Variants in PTPRG observed in about 807,000 individuals in gnomAD.
PTPRG encodes receptor-type tyrosine-protein phosphatase gamma.
A neutral mutation model predicts 165.3 loss-of-function variants in PTPRG; 102 were observed. That is an observed-to-expected ratio of 0.62 (90% CI 0.53 to 0.73). PTPRG has a LOEUF of 0.73. PTPRG is among the 30% of genes least tolerant of loss of function. The probability of loss-of-function intolerance (pLI) is 0.00; values close to 1 mark genes in which losing one functional copy is unlikely to be tolerated. For synonymous variants in PTPRG, 675 were observed against 669.5 expected (o/e 1.01, Z -0.13); for missense variants, 1,866 against 1,861.4 (o/e 1.00, Z -0.05).
chr3:61,851,103 G>A (rs1161105507), intron 2 of PTPRG, among the ~76,000 whole-genome samples: 1 of 152,172 alleles, frequency 6.6e-6, no homozygotes, highest in Non-Finnish European at 1.5e-5. Context: ...CTAAGACTGA[G>A]CCCACAAATG....
At chr3:61,981,943 C>A (rs1028869644) in intron 2 of PTPRG, among the ~76,000 whole-genome samples, 1 of 152,282 alleles carries the variant, frequency 6.6e-6, no homozygotes, top group East Asian at 1.9e-4. Flanking sequence ...ACTAGTCATA[C>A]AATTTGTGAG....
intron 1 of PTPRG, among the ~76,000 whole-genome samples, chr3:61,686,539 C>T (rs1261091455): frequency 6.6e-6 from 1 of 152,192 alleles, no homozygotes; most frequent in African/African-American, 2.4e-5. Flanking sequence ...AACTCTGCCC[C>T]CAGGTGTGTG....
At chr3:62,087,057 A>G (rs1176132609) in intron 5 of PTPRG, among the ~76,000 whole-genome samples, 1 of 152,248 alleles carries the variant, frequency 6.6e-6, no homozygotes, top group Non-Finnish European at 1.5e-5. Context: ...GCTTTTGTAC[A>G]TCATTGAATG....
At chr3:62,099,022 G>C (rs1447334626) in intron 5 of PTPRG, among the ~76,000 whole-genome samples, 1 of 152,178 alleles carries the variant, frequency 6.6e-6, no homozygotes, top group Non-Finnish European at 1.5e-5. Context: ...AGAATTTAGA[G>C]TTGTTTGAAA....
At chr3:61,692,048 G>A (rs1311725749) in intron 1 of PTPRG, among the ~76,000 whole-genome samples, 2 of 152,176 alleles carry the variant, frequency 1.3e-5, no homozygotes, top group East Asian at 1.9e-4. Context: ...TAATTTTTGA[G>A]TACATTCCAG....
At position 61,562,270 on chromosome 3, in the gene PTPRG, C is replaced by T. The variant is rs760285845; in HGVS notation, c.-18C>T. On this transcript the variant is annotated 5_prime_UTR_variant, in exon 1 of 30. Coordinates refer to ENST00000474889, the MANE Select transcript of PTPRG (RefSeq NM_002841.4). ...GTTTACCTCCCTGCTTTCCTCTTTT[C>T]GATGTGCGTTTTCGGACATGCGGAG... 5 of 1,610,274 alleles carry T rather than the reference C, an allele frequency of 3.1e-6. No homozygotes were observed. The highest frequency in any genetic ancestry group is 1.1e-5 in the South Asian group (1 of 91,028).
Position 62,167,956 on chromosome 3 carries a change from T to C in PTPRG, c.841-15T>C. The C allele has an allele frequency of 6.2e-7, 1 of 1,603,788 alleles. No individual in the cohort carries two copies. The highest frequency in any genetic ancestry group is 1.1e-5 in the South Asian group (1 of 90,766). On this transcript the variant is annotated splice_polypyrimidine_tract_variant and intron_variant, in intron 7 of 29. Coordinates refer to ENST00000474889, the MANE Select transcript of PTPRG (RefSeq NM_002841.4). ...GTTTTTTTTTTCCCCCTCCCCTCTCTGGTCCTCTGTTCAGCTTGAGGCTTT... is the reference window on the plus strand; with the variant it reads ...GTTTTTTTTTTCCCCCTCCCCTCTCCGGTCCTCTGTTCAGCTTGAGGCTTT...
chr3:62,210,862 T>C lies in PTPRG; in HGVS notation c.2155+6912T>C, dbSNP rs1700342696. On this transcript the variant is annotated intron_variant, in intron 12 of 29. Coordinates refer to ENST00000474889, the MANE Select transcript of PTPRG (RefSeq NM_002841.4). This position sits in a 1 kb window ranked among gnomAD's most constrained non-coding sequence, Gnocchi z 4.1. ...ATACAAATAATATACAAATATGTGTTAACTATTTATGTTATTGGTGAGGCT... is the reference window on the plus strand; with the variant it reads ...ATACAAATAATATACAAATATGTGTCAACTATTTATGTTATTGGTGAGGCT... 6.6e-6 allele frequency among the ~76,000 whole-genome samples: 1 copy of C among 152,226 alleles called. No homozygotes were observed. Among genetic ancestry groups the C allele is most frequent in the Admixed American group, 6.5e-5 (1 of 15,286 alleles).
At chr3:61,750,277 G>A (rs2033378261) in intron 2 of PTPRG, 1 of 152,202 alleles carries the variant, frequency 6.6e-6, no homozygotes, top group African/African-American at 2.4e-5. Flanking sequence ...ACATCAGTCA[G>A]GAGGAGGCAC....
chr3:62,052,926 T>C (rs1323256181), intron 4 of PTPRG, among the ~76,000 whole-genome samples: 1 of 152,190 alleles, frequency 6.6e-6, no homozygotes, highest in Non-Finnish European at 1.5e-5. Context: ...TACATATGCA[T>C]ATCGCTTTGT....
chr3:61,999,468 T>G (rs1451701722), intron 3 of PTPRG, among the ~76,000 whole-genome samples: 1 of 152,198 alleles, frequency 6.6e-6, no homozygotes, highest in African/African-American at 2.4e-5. Flanking sequence ...TTTCAATTTG[T>G]GAGTTTCCAG....
intron 2 of PTPRG, among the ~76,000 whole-genome samples, chr3:61,914,425 A>G (rs996068464): frequency 6.6e-6 from 1 of 152,128 alleles, no homozygotes; most frequent in African/African-American, 2.4e-5. Flanking sequence ...ACTCCCGGCA[A>G]TATTTGGTAG....
At chr3:61,967,126 T>C (rs1575832068) in intron 2 of PTPRG, among the ~76,000 whole-genome samples, 1 of 152,332 alleles carries the variant, frequency 6.6e-6, no homozygotes, top group Non-Finnish European at 1.5e-5. Context: ...TAAGTGACAC[T>C]TCTGCTCAAG....
At chr3:62,069,676 TCTCTCTC>T (rs1159223839) in intron 4 of PTPRG, among the ~76,000 whole-genome samples, 1 of 38,498 alleles carries the variant, frequency 2.6e-5, no homozygotes, top group Non-Finnish European at 7.9e-5. Context: ...TCTCTCTCTC[TCTCTCTC>T]TCACACACAG....
At position 61,815,575 on chromosome 3, in the gene PTPRG, A is replaced by G. The variant is rs2035736515; in HGVS notation, c.190+66593A>G. ...CTAATCAGAGAATACGAGGTTATAT[A>G]TTGACAAGATTGTAGGGACCCAGAT... is the stretch of plus-strand genomic sequence containing the variant. On this transcript the variant is annotated intron_variant, in intron 2 of 29. Coordinates refer to ENST00000474889, the MANE Select transcript of PTPRG (RefSeq NM_002841.4). Among the ~76,000 whole-genome samples, 2 of 152,282 alleles carry G rather than the reference A, an allele frequency of 1.3e-5. 1 individual carries two copies. Among genetic ancestry groups the G allele is most frequent in the South Asian group, 4.1e-4 (2 of 4,822 alleles).
intron 2 of PTPRG, among the ~76,000 whole-genome samples, chr3:61,918,528 C>T (rs1342434512): frequency 6.6e-6 from 1 of 152,048 alleles, no homozygotes; most frequent in Non-Finnish European, 1.5e-5. Context: ...AGAATAAGAT[C>T]GCCCTGTACA....
intron 2 of PTPRG, among the ~76,000 whole-genome samples, chr3:61,801,155 G>T (rs1278181133): frequency 6.6e-6 from 1 of 152,106 alleles, no homozygotes; most frequent in African/African-American, 2.4e-5. Flanking sequence ...TGCTTGTGAG[G>T]TGGGAAATGG....
At chr3:61,893,863 A>G (rs955728173) in intron 2 of PTPRG, among the ~76,000 whole-genome samples, 6 of 152,144 alleles carry the variant, frequency 3.9e-5, no homozygotes, top group Non-Finnish European at 8.8e-5. Context: ...TCTTTCAAAC[A>G]TTTCTTTGGT....
At chr3:61,909,879 T>A (rs1332773683) in intron 2 of PTPRG, among the ~76,000 whole-genome samples, 1 of 152,192 alleles carries the variant, frequency 6.6e-6, no homozygotes, top group Non-Finnish European at 1.5e-5. Context: ...TGTTCCAAAA[T>A]CATTTAAACA....
Sources: allele counts gnomAD v4.1 joint callset (sites outside exome capture counted in the v4.1 genomes callset), GRCh38; gene constraint gnomAD v4.1.1; non-coding constraint Gnocchi (gnomAD v3.1); transcripts MANE v1.5; gene names NCBI Gene and HGNC (gene_info 2026-07-23, HGNC 2026-07-21).